PRR33: variants seen among roughly 807,000 people sequenced by gnomAD.
PRR33 encodes the protein proline-rich protein 33.
Under a neutral mutation model 0.5 loss-of-function variants are expected in PRR33, and 1 was observed. The ratio of observed to expected loss-of-function variants is 2.18; its 90% CI spans 0.77 to 10.34. The LOEUF (loss-of-function observed/expected upper bound fraction) is 10.34. Among genes scored for constraint, PRR33 ranks in the 30% most tolerant of loss-of-function variants. PRR33 has a pLI of 0.13. For missense variants in PRR33, 552 were observed against 251.8 expected, an observed-to-expected ratio of 2.19 and a Z score of -8.07; for synonymous variants, 226 against 110.0, an observed-to-expected ratio of 2.06 and a Z score of -6.60.
chr11:1,913,109 T>G, the PRR33 span, among the ~76,000 whole-genome samples: 21 of 151,952 alleles, frequency 1.4e-4, no homozygotes, highest in Non-Finnish European at 2.1e-4. Flanking sequence ...ATCCATACTT[T>G]GTTTTCTTTG....
the PRR33 span, among the ~76,000 whole-genome samples, chr11:1,904,168 G>A: frequency 6.6e-6 from 1 of 152,182 alleles, no homozygotes; most frequent in Admixed American, 6.5e-5. Flanking sequence ...TCCTCCATTG[G>A]TCAGTCAGAG....
chr11:1,902,448 A>G, the PRR33 span, among the ~76,000 whole-genome samples: 11 of 152,228 alleles, frequency 7.2e-5, no homozygotes, highest in African/African-American at 2.7e-4. Flanking sequence ...CACTTCATCT[A>G]GGATAGCTTT....
chr11:1,889,411 C>A (rs1011746423), exon 1 of PRR33: 1 of 682,110 alleles, frequency 1.5e-6, no homozygotes, highest in Middle Eastern at 2.4e-4. Context: ...GAGGCGGGGG[C>A]CCGGGGTGCG....
At chr11:1,894,476 C>A (rs900217740), upstream of PRR33, among the ~76,000 whole-genome samples, 1 of 151,510 alleles carries the variant, frequency 6.6e-6, no homozygotes, top group African/African-American at 2.4e-5. Context: ...GCTCAAGCGA[C>A]CCCCCCTGCC....
upstream of PRR33, among the ~76,000 whole-genome samples, chr11:1,893,032 C>T (rs1189569394): frequency 8.5e-6 from 1 of 117,850 alleles, no homozygotes; most frequent in Admixed American, 8.5e-5. Flanking sequence ...GATGAGTGGA[C>T]GGATAAGCAG....
chr11:1,889,726 TG>T, the PRR33 span: 1 of 653,336 alleles, frequency 1.5e-6, no homozygotes. Flanking sequence ...CCAGGGCCCA[TG>T]GGGACCAGGC....
At chr11:1,890,008 T>C in exon 1 of PRR33, 4 of 666,780 alleles carry the variant, frequency 6.0e-6, no homozygotes, top group Non-Finnish European at 1.1e-5. Flanking sequence ...GGCTCAGGGG[T>C]CCCATTGTGT....
chr11:1,902,219 G>A, the PRR33 span, among the ~76,000 whole-genome samples: 3 of 144,932 alleles, frequency 2.1e-5, no homozygotes, highest in East Asian at 2.0e-4. Flanking sequence ...GCGACAGAGT[G>A]AGACTCTATC....
At chr11:1,913,489 T>A in the PRR33 span, among the ~76,000 whole-genome samples, 1 of 152,136 alleles carries the variant, frequency 6.6e-6, no homozygotes, top group Non-Finnish European at 1.5e-5. Context: ...TTTCCCTCTG[T>A]CTTGTTTTAG....
In PRR33 at chr11:1,889,605, C is replaced by G. The variant is rs1036821839; in HGVS notation, c.980G>C (p.Cys327Ser). 8 of 615,830 alleles carry G rather than the reference C, an allele frequency of 1.3e-5. No individual in the cohort carries two copies. The African/African-American group carries it at 1.3e-4, about 10-fold the overall frequency. The allele number at this position is 615,830 out of a possible 1,614,324, so 38.1% of individuals were successfully genotyped here. The change falls in exon 1 of 1, where the codon TGC becomes TCC. Residue 327 changes from cysteine (C) to serine (S), a missense_variant. Coordinates refer to ENST00000640310, the Ensembl canonical transcript of PRR33. ...CTTGGGTGCAACTTTGGGGACAGGG[C>G]ATGGGTGAGGGCCTGATGGTGGGGT...
chr11:1,895,897 A>G (rs1214492565), upstream of PRR33, among the ~76,000 whole-genome samples: 1 of 152,124 alleles, frequency 6.6e-6, no homozygotes, highest in Non-Finnish European at 1.5e-5. Flanking sequence ...GGTCCCAGCT[A>G]CTTGGGCGGC....
chr11:1,893,923 G>A (rs990654047), upstream of PRR33, among the ~76,000 whole-genome samples: 4 of 151,810 alleles, frequency 2.6e-5, no homozygotes, highest in African/African-American at 9.7e-5. Context: ...ATGGATGAGT[G>A]GATGGGTAGA....
At chr11:1,916,344 C>T in the PRR33 span, among the ~76,000 whole-genome samples, 1 of 152,160 alleles carries the variant, frequency 6.6e-6, no homozygotes, top group Admixed American at 6.5e-5. Context: ...TCAAACCCTG[C>T]TTGCCTCATG....
At chr11:1,916,292 T>C in the PRR33 span, among the ~76,000 whole-genome samples, 2 of 152,040 alleles carry the variant, frequency 1.3e-5, no homozygotes, top group African/African-American at 4.8e-5. Flanking sequence ...ACTTTGCCAT[T>C]CCCTTGGGTC....
exon 1 of PRR33, chr11:1,890,780 C>A: frequency 1.7e-6 from 1 of 595,946 alleles, no homozygotes; most frequent in Non-Finnish European, 3.0e-6. Flanking sequence ...TTGGGGTGGC[C>A]CCACCATCAC....
chr11:1,896,570 G>A (rs1849126351), upstream of PRR33, among the ~76,000 whole-genome samples: 1 of 152,178 alleles, frequency 6.6e-6, no homozygotes, highest in Non-Finnish European at 1.5e-5. Context: ...CGGGTTAGAT[G>A]GTCACGTTAT....
upstream of PRR33, among the ~76,000 whole-genome samples, chr11:1,894,536 G>A (rs1463033346): frequency 6.6e-6 from 1 of 152,102 alleles, no homozygotes; most frequent in Non-Finnish European, 1.5e-5. Context: ...GCACCCAAGG[G>A]TTTGTGCTTT....
chr11:1,901,050 G>A, the PRR33 span, among the ~76,000 whole-genome samples: 2 of 152,184 alleles, frequency 1.3e-5, no homozygotes, highest in Non-Finnish European at 2.9e-5. Context: ...GGTGGCTTAC[G>A]CCTGTAACCC....
the PRR33 span, among the ~76,000 whole-genome samples, chr11:1,901,645 T>A: frequency 3.3e-5 from 5 of 152,198 alleles, no homozygotes; most frequent in Non-Finnish European, 7.3e-5. Context: ...GCAGAAAATG[T>A]ATATATGAAA....
Sources: gnomAD v4.1 joint callset for allele counts (sites outside exome capture counted in the v4.1 genomes callset) on GRCh38, gnomAD v4.1.1 for gene constraint, MANE v1.5 for transcripts, NCBI Gene and HGNC (gene_info 2026-07-23, HGNC 2026-07-21) for gene names.